MYO6: variants seen among roughly 807,000 people sequenced by gnomAD.
MYO6 encodes the protein myosin VI.
Under a neutral mutation model 178.7 loss-of-function variants are expected in MYO6, and 74 were observed. That is an observed-to-expected ratio of 0.41 (90% CI 0.34 to 0.50). MYO6 has a LOEUF of 0.50. Among genes scored for constraint, MYO6 ranks in the 20% least tolerant of loss-of-function variants. MYO6 has a pLI of 0.09. For missense variants in MYO6, 1,330 were observed against 1,547.4 expected (o/e 0.86, Z 2.36); for synonymous variants, 477 against 504.6 (o/e 0.95, Z 0.73).
At position 75,907,563 on chromosome 6, in the gene MYO6, A is replaced by G. The variant is rs116047913; in HGVS notation, c.3177-42A>G. 1.6e-4 allele frequency: 232 copies of G among 1,473,898 alleles called. 1 individual carries two copies. In the African/African-American group the frequency reaches 2.8e-3, roughly 18 times the overall value. 91.3% of individuals were successfully genotyped at this position (1,473,898 alleles called of 1,614,324 possible). ...TGCCTCTTTAGTCAATGTTTTCTTC[A>G]TGTTTCTGGTTTAAACATGCAAAAA... On this transcript the variant is annotated intron_variant, in intron 30 of 34. Transcript: ENST00000369977.
intron 12 of MYO6, 145 bp from the exon 13 acceptor site, chr6:75,856,952 G>A (rs1425573533): frequency 1.5e-6 from 1 of 679,092 alleles, no homozygotes; most frequent in Non-Finnish European, 2.5e-6. Context: ...TTTCTACTTA[G>A]CCCCATTTAT....
chr6:75,771,964 CT>C (rs750077132), intron 1 of MYO6, among the ~76,000 whole-genome samples: 26 of 151,982 alleles, frequency 1.7e-4, no homozygotes, highest in Middle Eastern at 3.2e-3. Context: ...TGTATGGTAT[CT>C]TGTGGAGGAG....
chr6:75,865,308 G>A (rs1776555319), intron 16 of MYO6: 1 of 148,686 alleles, frequency 6.7e-6, no homozygotes, highest in Non-Finnish European at 1.5e-5. Flanking sequence ...ATGAGATTAG[G>A]CGCATTGAGA....
At chr6:75,869,739 G>A (rs992306551) in intron 18 of MYO6, among the ~76,000 whole-genome samples, 1 of 152,144 alleles carries the variant, frequency 6.6e-6, no homozygotes, top group African/African-American at 2.4e-5. Context: ...AGAAAGCATA[G>A]TAACTTGTAA....
At position 75,886,044 on chromosome 6, in the gene MYO6, A is replaced by C. The variant is rs1778409806; in HGVS notation, c.2457A>C (p.Lys819Asn). Residue 819 changes from lysine (K) to asparagine (N), a missense_variant, in exon 24 of 35, where the codon AAA becomes AAC. Coordinates refer to ENST00000369977, the MANE Select transcript of MYO6 (RefSeq NM_004999.4). ...AATATCGAGCTGAAGCCTGCATTAA[A>C]ATGCAAAAAACTATTCGAATGTGGC... ...KIKYRAEACI[K>N]MQKTIRMWLC... is the part of the protein sequence containing the mutation. 6.2e-7 allele frequency: 1 copy of C among 1,612,654 alleles called. No homozygotes were observed. Among genetic ancestry groups the C allele is most frequent in the East Asian group, 2.2e-5 (1 of 44,784 alleles).
intron 1 of MYO6, among the ~76,000 whole-genome samples, chr6:75,772,007 A>T (rs891225358): frequency 7.2e-5 from 11 of 152,320 alleles, no homozygotes; most frequent in Non-Finnish European, 5.9e-5. Flanking sequence ...TGGGATAGAG[A>T]CTTAAGAATT....
chr6:75,777,685 C>A (rs1250458609), intron 1 of MYO6, among the ~76,000 whole-genome samples: 2 of 152,068 alleles, frequency 1.3e-5, no homozygotes. Context: ...TGTCTGCCCC[C>A]TGTGGCCTCC....
chr6:75,836,402 T>C (rs1214133846), intron 7 of MYO6, among the ~76,000 whole-genome samples: 1 of 152,238 alleles, frequency 6.6e-6, no homozygotes, highest in Admixed American at 6.5e-5. Flanking sequence ...CTTGTATACC[T>C]TCTTAGAAAG....
At position 75,857,116 on chromosome 6, in the gene MYO6, C is replaced by A. The variant is rs575443817; in HGVS notation, c.1243C>A (p.Gln415Lys). Residue 415 changes from glutamine to lysine, a missense_variant, in exon 13 of 35, where the codon CAA becomes AAA. Coordinates refer to ENST00000369977, the MANE Select transcript of MYO6 (RefSeq NM_004999.4). ...TTATAGGGTACCTCTGAAAGTGGAG[C>A]AAGCAAACAATGCTCGTGATGCCCT... is the stretch of plus-strand genomic sequence containing the variant. Reference protein sequence around the residue: ...TVIKVPLKVEQANNARDALAK... With the variant: ...TVIKVPLKVEKANNARDALAK... 6.2e-7 allele frequency: 1 copy of A among 1,613,962 alleles called. No homozygotes were observed. Among genetic ancestry groups the A allele is most frequent in the African/African-American group, 1.3e-5 (1 of 75,028 alleles).
chr6:75,822,632 T>C (rs1772009944), intron 2 of MYO6, 150 bp from the exon 3 acceptor site: 1 of 635,714 alleles, frequency 1.6e-6, no homozygotes, highest in South Asian at 1.7e-5. Context: ...GTTTTGGGGT[T>C]AATGACTTGT....
At chr6:75,855,637 T>G (rs1775666632) in intron 12 of MYO6, among the ~76,000 whole-genome samples, 1 of 152,168 alleles carries the variant, frequency 6.6e-6, no homozygotes, top group South Asian at 2.1e-4. Context: ...CAGATCTCAC[T>G]TCAGCAAAAT....
At chr6:75,893,125 G>A (rs931639374) in intron 28 of MYO6, among the ~76,000 whole-genome samples, 3 of 152,066 alleles carry the variant, frequency 2.0e-5, no homozygotes, top group Non-Finnish European at 4.4e-5. Flanking sequence ...TAAATATCCT[G>A]TCAGTTGAAA....
chr6:75,807,724 C>T (rs1219306321), intron 1 of MYO6, among the ~76,000 whole-genome samples: 1 of 152,170 alleles, frequency 6.6e-6, no homozygotes, highest in African/African-American at 2.4e-5. Context: ...GCTGGCTGCC[C>T]ATTTTTATGT....
intron 11 of MYO6, among the ~76,000 whole-genome samples, chr6:75,854,275 CTTTTTTTTTTTTTTTTTTTTT>C (rs61398235): frequency 6.6e-5 from 3 of 45,470 alleles, no homozygotes; most frequent in African/African-American, 3.3e-4. Flanking sequence ...AACTGCATTG[CTTTTTTTTTTTTTTTTTTTTT>C]TTTTTTTTTT....
At chr6:75,823,529 T>C (rs1487714703) in intron 3 of MYO6, among the ~76,000 whole-genome samples, 2 of 152,214 alleles carry the variant, frequency 1.3e-5, no homozygotes, top group Non-Finnish European at 2.9e-5. Context: ...AAAAAGGTAG[T>C]GTTAACAATT....
chr6:75,847,833 C>A (rs1774876299), intron 10 of MYO6, among the ~76,000 whole-genome samples: 3 of 151,828 alleles, frequency 2.0e-5, no homozygotes, highest in Non-Finnish European at 4.4e-5. Context: ...TTTTTTATTG[C>A]ACCTTTTAAC....
At chr6:75,819,578 C>T (rs1327367981) in intron 2 of MYO6, among the ~76,000 whole-genome samples, 1 of 152,142 alleles carries the variant, frequency 6.6e-6, no homozygotes, top group Non-Finnish European at 1.5e-5. Flanking sequence ...AAATAGATTT[C>T]ACATTGCATT....
At chr6:75,825,559 C>T (rs183079283) in intron 3 of MYO6, among the ~76,000 whole-genome samples, 104 of 152,282 alleles carry the variant, frequency 6.8e-4, no homozygotes, top group African/African-American at 2.2e-3. Context: ...CGCTGTTGCA[C>T]TACAGCCTGG....
At chr6:75,758,378 T>G (rs1277655369) in intron 1 of MYO6, among the ~76,000 whole-genome samples, 1 of 152,176 alleles carries the variant, frequency 6.6e-6, no homozygotes, top group East Asian at 1.9e-4. Flanking sequence ...AAAGCTTATT[T>G]GGGGCTTATA....
Sources: allele counts gnomAD v4.1 joint callset (sites outside exome capture counted in the v4.1 genomes callset), GRCh38; gene constraint gnomAD v4.1.1; transcripts MANE v1.5; gene names NCBI Gene and HGNC (gene_info 2026-07-23, HGNC 2026-07-21).